Variants in MACROD2 observed in about 807,000 individuals in gnomAD.
The protein encoded by MACROD2 is mono-ADP ribosylhydrolase 2.
A neutral mutation model predicts 70.4 loss-of-function variants in MACROD2; 36 were observed. The observed-to-expected ratio is 0.51, with a 90% confidence interval of 0.39 to 0.68. The LOEUF (loss-of-function observed/expected upper bound fraction) is 0.68, where lower values mean the gene tolerates loss of function less well. Among genes scored for constraint, MACROD2 ranks in the 30% least tolerant of loss-of-function variants. MACROD2 has a pLI of 0.00. For synonymous variants in MACROD2, 172 were observed against 178.8 expected (o/e 0.96, Z 0.30); for missense variants, 496 against 538.4 (o/e 0.92, Z 0.78).
chr20:14,055,940 A>G (rs969164359), intron 2 of MACROD2, among the ~76,000 whole-genome samples: 5 of 152,102 alleles, frequency 3.3e-5, no homozygotes, highest in Admixed American at 2.0e-4. Context: ...TGAATGAGTA[A>G]ATGAATTAAT....
intron 6 of MACROD2, among the ~76,000 whole-genome samples, chr20:15,274,140 A>G (rs1329029651): frequency 6.6e-6 from 1 of 152,202 alleles, no homozygotes; most frequent in Non-Finnish European, 1.5e-5. Context: ...TTAAGGAACT[A>G]AGGTGAACAG....
At chr20:14,124,464 C>T (rs2054621579) in intron 3 of MACROD2, among the ~76,000 whole-genome samples, 1 of 152,166 alleles carries the variant, frequency 6.6e-6, no homozygotes, top group Non-Finnish European at 1.5e-5. Flanking sequence ...TATTCCTCTT[C>T]CTAGTGGATA....
intron 2 of MACROD2, among the ~76,000 whole-genome samples, chr20:14,023,439 A>G (rs754029711): frequency 1.1e-4 from 17 of 152,086 alleles, no homozygotes; most frequent in Non-Finnish European, 2.1e-4. Context: ...TTTTGTTGCC[A>G]TTGCTTTTTA....
intron 15 of MACROD2, among the ~76,000 whole-genome samples, chr20:16,001,210 G>C (rs2066704240): frequency 6.6e-6 from 1 of 152,178 alleles, no homozygotes; most frequent in Non-Finnish European, 1.5e-5. Context: ...AAAGCAGGTG[G>C]TATAAGGAGT....
intron 10 of MACROD2, among the ~76,000 whole-genome samples, chr20:15,892,276 C>T (rs539727685): frequency 2.8e-4 from 43 of 152,248 alleles, no homozygotes; most frequent in African/African-American, 1.0e-3. Flanking sequence ...GGGCTAAATA[C>T]ATAAATTAAC....
At chr20:15,344,841 A>T (rs1471327723) in intron 6 of MACROD2, among the ~76,000 whole-genome samples, 1 of 152,202 alleles carries the variant, frequency 6.6e-6, no homozygotes, top group Non-Finnish European at 1.5e-5. Flanking sequence ...GAGCCTAGAA[A>T]ATTATTCCTA....
intron 5 of MACROD2, among the ~76,000 whole-genome samples, chr20:15,220,096 C>T (rs1281765483): frequency 2.7e-5 from 4 of 150,836 alleles, no homozygotes; most frequent in Non-Finnish European, 5.9e-5. Flanking sequence ...ATAGTGCAGT[C>T]ATTAGGAGAT....
intron 8 of MACROD2, among the ~76,000 whole-genome samples, chr20:15,659,086 G>A (rs1353939318): frequency 6.6e-6 from 1 of 152,118 alleles, no homozygotes; most frequent in East Asian, 1.9e-4. Flanking sequence ...GGAATATAGT[G>A]AGATATAATG....
intron 10 of MACROD2, among the ~76,000 whole-genome samples, chr20:15,900,070 A>G (rs1216943863): frequency 6.6e-6 from 1 of 152,162 alleles, no homozygotes; most frequent in East Asian, 1.9e-4. Context: ...GTGGCTGGAC[A>G]GAAGGGACAT....
intron 2 of MACROD2, among the ~76,000 whole-genome samples, chr20:14,072,839 C>T (rs2053865466): frequency 6.6e-6 from 1 of 150,784 alleles, no homozygotes; most frequent in African/African-American, 2.4e-5. Flanking sequence ...GAGGCTGAGG[C>T]AGGATAATGG....
At chr20:14,365,214 G>A (rs2083260816) in intron 3 of MACROD2, among the ~76,000 whole-genome samples, 1 of 151,712 alleles carries the variant, frequency 6.6e-6, no homozygotes, top group South Asian at 2.1e-4. Context: ...TGTGTTTCTA[G>A]GAATTTGTTC....
At chr20:14,871,329 C>T (rs1008430926) in intron 5 of MACROD2, among the ~76,000 whole-genome samples, 1 of 152,098 alleles carries the variant, frequency 6.6e-6, no homozygotes, top group African/African-American at 2.4e-5. Flanking sequence ...TCGGCTGAAA[C>T]TCAGCATACA....
intron 3 of MACROD2, among the ~76,000 whole-genome samples, chr20:14,396,753 G>C (rs551207268): frequency 6.6e-6 from 1 of 151,328 alleles, no homozygotes; most frequent in Non-Finnish European, 1.5e-5. Context: ...GTGAAACCCC[G>C]TCACTACTAA....
At chr20:15,804,005 T>C (rs1313755746) in intron 8 of MACROD2, among the ~76,000 whole-genome samples, 1 of 152,236 alleles carries the variant, frequency 6.6e-6, no homozygotes, top group Non-Finnish European at 1.5e-5. Flanking sequence ...AAGAAATGTG[T>C]AAGCCTCATT....
intron 10 of MACROD2, among the ~76,000 whole-genome samples, chr20:15,919,825 A>C (rs1027356330): frequency 6.6e-6 from 1 of 152,208 alleles, no homozygotes; most frequent in Non-Finnish European, 1.5e-5. Context: ...GAAAAGACAG[A>C]GACCATTGGG....
chr20:14,637,693 A>T (rs919504184), intron 4 of MACROD2, among the ~76,000 whole-genome samples: 1 of 152,084 alleles, frequency 6.6e-6, no homozygotes, highest in Non-Finnish European at 1.5e-5. Flanking sequence ...TTGCTGTCAC[A>T]TTACATCCAT....
At chr20:15,745,861 A>G (rs1040007341) in intron 8 of MACROD2, among the ~76,000 whole-genome samples, 7 of 152,086 alleles carry the variant, frequency 4.6e-5, no homozygotes, top group Non-Finnish European at 1.0e-4. Flanking sequence ...TTAAAGACCT[A>G]TATATGTGTT....
chr20:15,486,743 T>C (rs1158370388), intron 7 of MACROD2, among the ~76,000 whole-genome samples: 1 of 152,200 alleles, frequency 6.6e-6, no homozygotes. Flanking sequence ...GGCAAAGACC[T>C]AGATAGGAAT....
chr20:15,099,545 T>A (rs914555126), intron 5 of MACROD2, among the ~76,000 whole-genome samples: 2 of 152,124 alleles, frequency 1.3e-5, no homozygotes, highest in Non-Finnish European at 2.9e-5. Flanking sequence ...GAGAAATAAA[T>A]GTCTGTTGGT....
Sources: gnomAD v4.1 joint callset for allele counts (sites outside exome capture counted in the v4.1 genomes callset) on GRCh38, gnomAD v4.1.1 for gene constraint, MANE v1.5 for transcripts, NCBI Gene and HGNC (gene_info 2026-07-23, HGNC 2026-07-21) for gene names.